LRRC72: variants seen among roughly 807,000 people sequenced by gnomAD.
LRRC72 encodes leucine rich repeat containing 72.
LRRC72 carries 41 observed loss-of-function variants against 35.8 expected under a neutral mutation model. The ratio of observed to expected loss-of-function variants is 1.15; its 90% CI spans 0.89 to 1.49. LRRC72 has a LOEUF of 1.49. Among genes scored for constraint, LRRC72 ranks in the 40% most tolerant of loss-of-function variants. The pLI is 0.00. For missense variants in LRRC72, 389 were observed against 330.7 expected (o/e 1.18, Z -1.37); for synonymous variants, 118 against 119.2 (o/e 0.99, Z 0.07).
chr7:16,566,532 TG>T lies in LRRC72; in HGVS notation c.517+132del, dbSNP rs567284308. The T allele has an allele frequency of 5.8e-4, 312 of 538,634 alleles. No individual in the cohort carries two copies. The African/African-American group carries it at 5.9e-3, about 10-fold the overall frequency. 33.4% of individuals were successfully genotyped at this position (538,634 alleles called of 1,614,324 possible). On this transcript the variant is annotated intron_variant, in intron 6 of 8. Coordinates refer to ENST00000401542, the MANE Select transcript of LRRC72 (RefSeq NM_001195280.2). ...TATCTTTGAATAATTGTCTTTTTAA[TG>T]GAAGTTTTTCAATTATTTATTTTTG...
chr7:16,565,313 A>G (rs1782809726), intron 5 of LRRC72, among the ~76,000 whole-genome samples: 1 of 152,058 alleles, frequency 6.6e-6, no homozygotes. Context: ...GGCGCCTGTA[A>G]TCCCAGCTAC....
rs987485763 is a variant in LRRC72 at position 16,527,087 on chromosome 7, C to A, written c.90+45C>A. ...CCAAGCCATCAGCCCCTTTGGCCCC[C>A]TGCCCCAGGGCCCCACCTCCTGCCT... is the stretch of plus-strand genomic sequence containing the variant. On this transcript the variant is annotated intron_variant, in intron 1 of 8. Transcript: ENST00000401542. 15 of 1,476,284 alleles carry A rather than the reference C, an allele frequency of 1.0e-5. No individual in the cohort carries two copies. In the Admixed American group the frequency reaches 3.0e-4, roughly 29 times the overall value. The allele number at this position is 1,476,284 out of a possible 1,614,324, so 91.4% of individuals were successfully genotyped here.
chr7:16,540,116 T>C (rs544038152), intron 3 of LRRC72, among the ~76,000 whole-genome samples: 9 of 152,256 alleles, frequency 5.9e-5, no homozygotes, highest in African/African-American at 1.9e-4. Context: ...TGCCAGCTCA[T>C]GAAAGCATCT....
At chr7:16,575,361 A>G (rs531837880) in intron 7 of LRRC72, among the ~76,000 whole-genome samples, 1 of 152,268 alleles carries the variant, frequency 6.6e-6, no homozygotes, top group Admixed American at 6.5e-5. Context: ...GCCCCAAACC[A>G]GATTTACTAA....
intron 1 of LRRC72, among the ~76,000 whole-genome samples, chr7:16,528,094 G>A (rs1300150595): frequency 6.6e-6 from 1 of 152,102 alleles, no homozygotes; most frequent in Non-Finnish European, 1.5e-5. Context: ...TACCTTTTCT[G>A]AGTGACATCC....
Position 16,566,341 on chromosome 7 carries a change from TA to T in LRRC72, c.458del (p.Asn153ThrfsTer30). ...SLYQNPLCQY[N>X]LYRLYIIYHL... The stretch of plus-strand genomic sequence containing the variant: ...TATACCAAAATCCTTTGTGCCAATA[TA>T]ACCTGTATCGTTTATATATCATCTA... On this transcript the variant is annotated frameshift_variant, in exon 6 of 9. Coordinates refer to ENST00000401542, the MANE Select transcript of LRRC72 (RefSeq NM_001195280.2). LOFTEE classifies it high-confidence loss of function. 1 of 1,544,958 alleles carries T rather than the reference TA, an allele frequency of 6.5e-7. No individual in the cohort carries two copies. Among genetic ancestry groups the T allele is most frequent in the Non-Finnish European group, 8.7e-7 (1 of 1,144,990 alleles).
At chr7:16,542,459 A>G (rs1479258449) in intron 3 of LRRC72, among the ~76,000 whole-genome samples, 2 of 152,224 alleles carry the variant, frequency 1.3e-5, no homozygotes, top group African/African-American at 4.8e-5. Context: ...TGTGCCCGTG[A>G]CAAAGCCTCA....
chr7:16,567,538 C>G lies in LRRC72; in HGVS notation c.665C>G (p.Pro222Arg), dbSNP rs1240115093. ...AAGCAAAAACCAGCCCAGAGAGTACCTTCAGGTATTTCGTAAAAAAAAAAA... is the reference window on the plus strand; with the variant it reads ...AAGCAAAAACCAGCCCAGAGAGTACGTTCAGGTATTTCGTAAAAAAAAAAA... The part of the protein sequence containing the change: ...PFKQKPAQRV[P>R]SDFAFANNVD... The change falls in exon 7 of 9, where the codon CCT becomes CGT. Residue 222 changes from proline to arginine, a missense_variant. By Grantham distance (103) the Pro-to-Arg change is moderately radical. Coordinates refer to ENST00000401542, the MANE Select transcript of LRRC72 (RefSeq NM_001195280.2). The G allele has an allele frequency of 2.4e-6, 3 of 1,254,638 alleles. No homozygotes were observed. Among genetic ancestry groups the G allele is most frequent in the Non-Finnish European group, 3.1e-6 (3 of 959,152 alleles). 77.7% of individuals were successfully genotyped at this position (1,254,638 alleles called of 1,614,324 possible). A position where few individuals can be genotyped will look rare whatever the true frequency, so the allele number is the denominator to read the frequency against.
chr7:16,550,914 T>G (rs899003965), intron 3 of LRRC72, among the ~76,000 whole-genome samples: 5 of 152,236 alleles, frequency 3.3e-5, no homozygotes, highest in African/African-American at 1.2e-4. Flanking sequence ...TTTTCCTTGA[T>G]TATACTTCCT....
At chr7:16,538,972 T>C (rs955866772) in intron 3 of LRRC72, among the ~76,000 whole-genome samples, 1 of 152,152 alleles carries the variant, frequency 6.6e-6, no homozygotes, top group African/African-American at 2.4e-5. Context: ...AGTGTGAAAA[T>C]GGACGAATAC....
rs150048213 is a variant in LRRC72, at chr7:16,575,030, G to A, written c.671-5044G>A. Among the ~76,000 whole-genome samples the A allele has an allele frequency of 3.1e-4, 47 of 151,928 alleles. 1 individual carries two copies. In the East Asian group the frequency reaches 8.6e-3, roughly 28 times the overall value. On this transcript the variant is annotated intron_variant, in intron 7 of 8. Coordinates refer to ENST00000401542, the MANE Select transcript of LRRC72 (RefSeq NM_001195280.2). ...CTTGGGAGGCTGAGGCAGGACAATC[G>A]GTTGGACCCGGGAGTTGGAGGTTGC... is the stretch of plus-strand genomic sequence containing the variant.
intron 7 of LRRC72, among the ~76,000 whole-genome samples, chr7:16,569,603 A>G (rs1782907485): frequency 6.6e-6 from 1 of 152,222 alleles, no homozygotes; most frequent in South Asian, 2.1e-4. Context: ...AAAAAAAGAC[A>G]TCAGAGAAAA....
At chr7:16,560,892 T>C (rs530913761) in intron 5 of LRRC72, among the ~76,000 whole-genome samples, 6 of 152,200 alleles carry the variant, frequency 3.9e-5, no homozygotes, top group Non-Finnish European at 7.3e-5. Flanking sequence ...TATGTTTGAA[T>C]GTCTTTCCTG....
chr7:16,567,405 G>T lies in LRRC72; in HGVS notation c.532G>T (p.Glu178Ter). The change falls in exon 7 of 9, where the codon GAA becomes TAA. Residue 178 changes from glutamate to a stop codon, truncating the protein, a stop_gained. Transcript: ENST00000401542. LOFTEE classifies it high-confidence loss of function. The stretch of plus-strand genomic sequence containing the variant: ...GCATTTATCAGAAGTTACAGAAAAA[G>T]AAAGAAGATCAATGATTACCATTTT... ...LLDRNQVTEKERRSMITIFNH... is the reference protein window; with the variant it reads ...LLDRNQVTEK 6.7e-7 allele frequency: 1 copy of T among 1,490,352 alleles called. No individual in the cohort carries two copies. Among genetic ancestry groups the T allele is most frequent in the Non-Finnish European group, 8.9e-7 (1 of 1,120,006 alleles). 92.3% of individuals were successfully genotyped at this position (1,490,352 alleles called of 1,614,324 possible).
chr7:16,572,223 A>G (rs112153098), intron 7 of LRRC72, among the ~76,000 whole-genome samples: 24 of 152,310 alleles, frequency 1.6e-4, no homozygotes, highest in African/African-American at 5.5e-4. Context: ...GTTCTACCAG[A>G]GGTACAAAGA....
chr7:16,572,551 A>G (rs1290730638), intron 7 of LRRC72, among the ~76,000 whole-genome samples: 1 of 152,204 alleles, frequency 6.6e-6, no homozygotes, highest in African/African-American at 2.4e-5. Context: ...AATGACAAAA[A>G]CCACATGATT....
At chr7:16,550,433 A>C (rs975633601) in intron 3 of LRRC72, among the ~76,000 whole-genome samples, 7 of 152,186 alleles carry the variant, frequency 4.6e-5, no homozygotes, top group African/African-American at 1.7e-4. Context: ...AGAAACTTGC[A>C]CACAGTAGTC....
rs368056904 is a variant in LRRC72 at position 16,526,942 on chromosome 7, C to T, written c.-11C>T. On this transcript the variant is annotated 5_prime_UTR_variant, in exon 1 of 9. Coordinates refer to ENST00000401542, the MANE Select transcript of LRRC72 (RefSeq NM_001195280.2). ...ATTAATCACCGCTGCTTCGGCCGCC[C>T]ATGTGTCCTGATGTCCTGGGACCCG... is the stretch of plus-strand genomic sequence containing the variant. 8.4e-5 allele frequency: 129 copies of T among 1,538,724 alleles called. 3 individuals are homozygous for T. The highest frequency in any genetic ancestry group is 7.1e-4 in the East Asian group (29 of 40,902).
chr7:16,575,969 C>T (rs1175483575), intron 7 of LRRC72, among the ~76,000 whole-genome samples: 1 of 152,138 alleles, frequency 6.6e-6, no homozygotes, highest in Admixed American at 6.6e-5. Context: ...TTTTTAAATT[C>T]TCTTTACTCC....
Sources: gnomAD v4.1 joint callset for allele counts (sites outside exome capture counted in the v4.1 genomes callset) on GRCh38, gnomAD v4.1.1 for gene constraint, MANE v1.5 for transcripts, NCBI Gene and HGNC (gene_info 2026-07-23, HGNC 2026-07-21) for gene names.